Variants in PTPRD observed in about 807,000 individuals in gnomAD.
PTPRD encodes the protein protein tyrosine phosphatase receptor type D, also known as receptor-type tyrosine-protein phosphatase delta.
PTPRD carries 34 observed loss-of-function variants against 214.5 expected under a neutral mutation model. The observed-to-expected ratio is 0.16, with a 90% CI of 0.12 to 0.21. The LOEUF is 0.21. Among genes scored for constraint, PTPRD ranks in the 10% least tolerant of loss-of-function variants. The pLI is 1.00. For synonymous variants in PTPRD, 1,128 were observed against 845.7 expected (o/e 1.33, Z -5.79); for missense variants, 2,545 against 2,398.7 (o/e 1.06, Z -1.27).
At chr9:10,444,317 T>C (rs1346563800) in intron 2 of PTPRD, among the ~76,000 whole-genome samples, 1 of 151,808 alleles carries the variant, frequency 6.6e-6, no homozygotes, top group South Asian at 2.1e-4. Context: ...TAAAAGATAT[T>C]TAATGACTCA....
intron 10 of PTPRD, among the ~76,000 whole-genome samples, chr9:9,030,524 A>G (rs1313156292): frequency 6.6e-6 from 1 of 151,798 alleles, no homozygotes; most frequent in South Asian, 2.1e-4. Flanking sequence ...CTGCCTCTCT[A>G]GGATTGCCCT....
intron 3 of PTPRD, among the ~76,000 whole-genome samples, chr9:10,144,868 T>G (rs1453478892): frequency 1.3e-5 from 2 of 151,886 alleles, no homozygotes; most frequent in Non-Finnish European, 2.9e-5. Flanking sequence ...TAATACTGAT[T>G]TTTTTTATTA....
intron 2 of PTPRD, among the ~76,000 whole-genome samples, chr9:10,584,966 T>C (rs574113410): frequency 3.0e-4 from 46 of 152,230 alleles, no homozygotes; most frequent in African/African-American, 7.2e-4. Context: ...TGATGTGTAA[T>C]TGAACACTTT....
rs1445171348 is a variant in PTPRD at position 8,732,810 on chromosome 9, A to G, written c.64+970T>C. On this transcript the variant is annotated intron_variant, in intron 12 of 45. Transcript: ENST00000381196. ...AAAATGCAATTAATAGAAAGGGGCC[A>G]AGATGACACAGGATACTTGTCTTGG... Among the ~76,000 whole-genome samples the G allele has an allele frequency of 5.9e-5, 9 of 152,356 alleles. No homozygotes were observed. In the East Asian group the frequency reaches 1.7e-3, roughly 29 times the overall value.
intron 39 of PTPRD, among the ~76,000 whole-genome samples, chr9:8,364,327 T>C (rs1382629144): frequency 3.3e-5 from 5 of 152,234 alleles, no homozygotes; most frequent in Non-Finnish European, 7.3e-5. Context: ...TGGGTTATCA[T>C]TGGACAGTGT....
intron 10 of PTPRD, among the ~76,000 whole-genome samples, chr9:9,051,499 T>A (rs552787731): frequency 4.6e-5 from 7 of 152,316 alleles, no homozygotes; most frequent in African/African-American, 1.7e-4. Flanking sequence ...AGTGTTACAT[T>A]CAGCTATGAA....
At chr9:9,518,295 G>A (rs1221765619) in intron 8 of PTPRD, among the ~76,000 whole-genome samples, 1 of 152,084 alleles carries the variant, frequency 6.6e-6, no homozygotes, top group African/African-American at 2.4e-5. Context: ...AACATGATGA[G>A]TGAAGTGTTT....
chr9:9,231,987 A>G (rs1161931643), intron 9 of PTPRD, among the ~76,000 whole-genome samples: 1 of 152,114 alleles, frequency 6.6e-6, no homozygotes, highest in East Asian at 1.9e-4. Flanking sequence ...CCAAAGGTGC[A>G]TCTCCACTTT....
At chr9:9,993,092 T>C (rs1258082552) in intron 4 of PTPRD, among the ~76,000 whole-genome samples, 1 of 152,250 alleles carries the variant, frequency 6.6e-6, no homozygotes, top group Non-Finnish European at 1.5e-5. Context: ...CTGAAAATCC[T>C]TTCCTTCTGG....
intron 3 of PTPRD, among the ~76,000 whole-genome samples, chr9:10,259,682 G>A (rs114388368): frequency 1.3e-5 from 2 of 152,036 alleles, no homozygotes; most frequent in South Asian, 2.1e-4. Context: ...TAAAAAGTGG[G>A]TATCAACTTT....
chr9:10,267,430 G>A (rs1410174017), intron 3 of PTPRD, among the ~76,000 whole-genome samples: 7 of 152,056 alleles, frequency 4.6e-5, no homozygotes, highest in Non-Finnish European at 8.8e-5. Flanking sequence ...TATTAGAGTC[G>A]TGGTTTATGA....
chr9:9,484,103 A>T (rs1386866437), intron 8 of PTPRD, among the ~76,000 whole-genome samples: 1 of 151,964 alleles, frequency 6.6e-6, no homozygotes, highest in Non-Finnish European at 1.5e-5. Flanking sequence ...GAATTGGAAA[A>T]AGTAATGGGT....
chr9:9,438,676 T>C (rs1426558108), intron 8 of PTPRD, among the ~76,000 whole-genome samples: 1 of 152,200 alleles, frequency 6.6e-6, no homozygotes, highest in African/African-American at 2.4e-5. Flanking sequence ...CTGGATATTA[T>C]GAATTAGTAT....
At chr9:9,180,685 A>C (rs1355794064) in intron 10 of PTPRD, among the ~76,000 whole-genome samples, 2 of 152,106 alleles carry the variant, frequency 1.3e-5, no homozygotes, top group African/African-American at 4.8e-5. Context: ...AAAGGAAAGA[A>C]TTTCTTCTTT....
intron 11 of PTPRD, among the ~76,000 whole-genome samples, chr9:8,842,020 A>AG (rs946829723): frequency 9.2e-5 from 14 of 151,824 alleles, no homozygotes; most frequent in Non-Finnish European, 1.9e-4. Flanking sequence ...CAAAAAAAAA[A>AG]AATCCAACTA....
At chr9:8,562,485 G>A (rs898902544) in intron 14 of PTPRD, among the ~76,000 whole-genome samples, 12 of 151,834 alleles carry the variant, frequency 7.9e-5, no homozygotes, top group Admixed American at 7.9e-4. Context: ...CATGCAGGCT[G>A]GTGTGCAGTG....
chr9:8,768,203 T>C (rs2094910409), intron 11 of PTPRD, among the ~76,000 whole-genome samples: 1 of 152,100 alleles, frequency 6.6e-6, no homozygotes, highest in Non-Finnish European at 1.5e-5. Flanking sequence ...GAAACCACCC[T>C]GGGCAACATA....
At chr9:9,339,784 G>T (rs1039923671) in intron 9 of PTPRD, among the ~76,000 whole-genome samples, 1 of 152,124 alleles carries the variant, frequency 6.6e-6, no homozygotes, top group African/African-American at 2.4e-5. Flanking sequence ...CAGAATGAAA[G>T]ATGCTCACTA....
At chr9:10,578,242 A>G (rs1011411573) in intron 2 of PTPRD, among the ~76,000 whole-genome samples, 16 of 152,098 alleles carry the variant, frequency 1.1e-4, no homozygotes, top group African/African-American at 3.9e-4. Flanking sequence ...GGTTTCTCGA[A>G]TGTCTCCTAA....
Sources: gnomAD v4.1 joint callset for allele counts (sites outside exome capture counted in the v4.1 genomes callset) on GRCh38, gnomAD v4.1.1 for gene constraint, MANE v1.5 for transcripts, NCBI Gene and HGNC (gene_info 2026-07-23, HGNC 2026-07-21) for gene names.